Variants in ABCA4 observed in about 807,000 individuals in gnomAD.
The protein encoded by ABCA4 is ATP binding cassette subfamily A member 4.
In ABCA4, 196 loss-of-function variants were observed where a neutral mutation model predicts 263.7. The ratio of observed to expected loss-of-function variants is 0.74; its 90% CI spans 0.66 to 0.84. ABCA4 has a LOEUF of 0.84. Among genes scored for constraint, ABCA4 ranks in the 40% least tolerant of loss-of-function variants. The pLI is 0.00. For synonymous variants in ABCA4, 1,133 were observed against 1,094.2 expected (o/e 1.04, Z -0.70); for missense variants, 2,792 against 2,855.1 (o/e 0.98, Z 0.50).
intron 16 of ABCA4, 105 bp from the exon 17 acceptor site, chr1:94,051,803 T>G (rs977274922): frequency 6.0e-6 from 5 of 839,358 alleles, no homozygotes; most frequent in African/African-American, 1.7e-5. Flanking sequence ...CCTCAAATTG[T>G]AACTATAGAT....
At chr1:94,088,034 C>T (rs916455404) in intron 6 of ABCA4, among the ~76,000 whole-genome samples, 1 of 152,158 alleles carries the variant, frequency 6.6e-6, no homozygotes, top group East Asian at 1.9e-4. Context: ...CCCTTCATTC[C>T]CACATTCTTT....
chr1:94,120,904 C>CAA, intron 1 of ABCA4, 76 bp downstream of exon 1: 1 of 953,550 alleles, frequency 1.0e-6, no homozygotes, highest in East Asian at 2.5e-5. Flanking sequence ...CACCCTACCC[C>CAA]ACCACCCCAC....
Position 94,048,751 on chromosome 1 carries a change from G to A in ABCA4, c.2743+117C>T, listed in dbSNP as rs577041461. ...ATCTGGTTTAACACTTGTCCACAGA[G>A]AGAGTCAGTTTCCTAGGCTTCTTTC... On this transcript the variant is annotated intron_variant, in intron 18 of 49. Coordinates refer to ENST00000370225, the MANE Select transcript of ABCA4 (RefSeq NM_000350.3). The A allele has an allele frequency of 8.8e-5, 84 of 950,636 alleles. No homozygotes were observed. In the African/African-American group the frequency reaches 1.2e-3, roughly 14 times the overall value. The allele number at this position is 950,636 out of a possible 1,614,324, so 58.9% of individuals were successfully genotyped here. A position where few individuals can be genotyped will look rare whatever the true frequency, so the allele number is the denominator to read the frequency against.
intron 30 of ABCA4, among the ~76,000 whole-genome samples, chr1:94,028,866 C>T (rs1202641830): frequency 1.5e-5 from 2 of 132,526 alleles, no homozygotes; most frequent in African/African-American, 2.8e-5. Context: ...GAGATCACAC[C>T]GCTGCACTCC....
At position 94,032,522 on chromosome 1, in the gene ABCA4, A is replaced by G. The variant is rs541532558; in HGVS notation, c.3863-479T>C. Among the ~76,000 whole-genome samples the G allele has an allele frequency of 3.3e-5, 5 of 152,034 alleles. No individual in the cohort carries two copies. The South Asian group carries it at 8.3e-4, about 25-fold the overall frequency. ...ATGGTGGCAGGCACCTGTAATCCCA[A>G]CTACTCGGGAGGCTGAGGCAGGAGA... On this transcript the variant is annotated intron_variant, in intron 26 of 49. Coordinates refer to ENST00000370225, the MANE Select transcript of ABCA4 (RefSeq NM_000350.3).
chr1:94,014,194 AAAGAAGGAAG>A (rs1426422223), intron 38 of ABCA4, among the ~76,000 whole-genome samples: 2 of 119,618 alleles, frequency 1.7e-5, no homozygotes, highest in African/African-American at 6.3e-5. Flanking sequence ...AAGAAGGAAG[AAAGAAGGAAG>A]GATGGAGGGA....
chr1:94,014,196 A>G (rs200072777), intron 38 of ABCA4, among the ~76,000 whole-genome samples: 13,574 of 126,160 alleles, frequency 0.11, 1,250 homozygotes, highest in African/African-American at 0.26. Context: ...GAAGGAAGAA[A>G]GAAGGAAGGA....
Position 94,031,031 on chromosome 1 carries a change from G to A in ABCA4, c.4218C>T (p.His1406=), listed in dbSNP as rs1307696264. ...TGTACTGCTGCCCATATATCCAGGG[G>A]TGAAGGGTCAAAGCGGGGTATTCGC... ...PFGEYPALTL[H]PWIYGQQYTF... is the part of the protein sequence containing the mutation. Residue 1406 remains histidine, a synonymous_variant, in exon 28 of 50, where the codon CAC becomes CAT. Transcript: ENST00000370225. 1 of 1,614,020 alleles carries A rather than the reference G, an allele frequency of 6.2e-7. No homozygotes were observed. The highest frequency in any genetic ancestry group is 1.3e-5 in the African/African-American group (1 of 74,914).
intron 23 of ABCA4, among the ~76,000 whole-genome samples, chr1:94,040,879 A>G (rs1660466694): frequency 6.6e-6 from 1 of 152,190 alleles, no homozygotes; most frequent in African/African-American, 2.4e-5. Flanking sequence ...TAATGTTGAA[A>G]TGAAGCTCAA....
intron 1 of ABCA4, among the ~76,000 whole-genome samples, chr1:94,115,314 T>A (rs565899895): frequency 1.3e-5 from 2 of 152,296 alleles, no homozygotes; most frequent in East Asian, 3.9e-4. Context: ...TCGGCTGTCT[T>A]CCATGCGGCA....
rs952681895 is a variant in ABCA4 at position 94,043,224 on chromosome 1, G to A, written c.3190+112C>T. On this transcript the variant is annotated intron_variant, in intron 21 of 49. Transcript: ENST00000370225. ...TAGATTTTTGGTGTAACTTCACAGA[G>A]GTGTTCCCACCCTTAGAAGCTCTCC... 6.8e-6 allele frequency: 10 copies of A among 1,474,252 alleles called. No homozygotes were observed. The East Asian group carries it at 2.1e-4, about 31-fold the overall frequency. The allele number at this position is 1,474,252 out of a possible 1,614,324, so 91.3% of individuals were successfully genotyped here. A position where few individuals can be genotyped will look rare whatever the true frequency, so the allele number is the denominator to read the frequency against.
rs121909205 is a variant in ABCA4 at position 94,120,994 on chromosome 1, G to T, written c.52C>A (p.Arg18=). 8.7e-6 allele frequency: 14 copies of T among 1,606,580 alleles called. 1 individual carries two copies. In the East Asian group the frequency reaches 1.8e-4, roughly 21 times the overall value. ...QLLLWKNWTL[R]KRQKIRFVVE... ...GTAACTGTTACCTTTTGCCTTTTCCGCAGGGTCCAGTTCTTCCAGAGCAAA... is the reference window on the plus strand; with the variant it reads ...GTAACTGTTACCTTTTGCCTTTTCCTCAGGGTCCAGTTCTTCCAGAGCAAA... Residue 18 remains arginine, a synonymous_variant, in exon 1 of 50, where the codon CGG becomes AGG. Transcript: ENST00000370225.
chr1:93,993,358 G>A, intron 49 of ABCA4, 116 bp from the exon 50 acceptor site: 1 of 1,344,162 alleles, frequency 7.4e-7, no homozygotes, highest in Non-Finnish European at 1.1e-6. Flanking sequence ...ACTCAGCTGA[G>A]GGCACTGTGA....
intron 1 of ABCA4, among the ~76,000 whole-genome samples, chr1:94,113,942 T>C (rs1662677396): frequency 6.6e-6 from 1 of 152,088 alleles, no homozygotes; most frequent in South Asian, 2.1e-4. Flanking sequence ...GGGTTGGAGA[T>C]GTGGAATTAT....
chr1:94,075,419 G>A (rs186306804), intron 11 of ABCA4, among the ~76,000 whole-genome samples: 15 of 152,242 alleles, frequency 9.9e-5, no homozygotes, highest in Admixed American at 5.2e-4. Flanking sequence ...GTTGGTGATC[G>A]CTTAGTAGTT....
chr1:94,087,869 A>T (rs1661871745), intron 6 of ABCA4, among the ~76,000 whole-genome samples: 1 of 152,138 alleles, frequency 6.6e-6, no homozygotes, highest in South Asian at 2.1e-4. Context: ...TCCTCCCTTC[A>T]TGGGGTTTAC....
chr1:94,021,673 G>T lies in ABCA4; in HGVS notation c.4815C>A (p.Phe1605Leu), dbSNP rs1363935972. ...TGTCTTCAGTTTCTAGATGTTTAAGGAAATCAGGTATTTCTTTAGAGGCCT... is the reference window on the plus strand; with the variant it reads ...TGTCTTCAGTTTCTAGATGTTTAAGTAAATCAGGTATTTCTTTAGAGGCCT... Reference protein sequence around the residue: ...TREASKEIPDFLKHLETEDNI... With the variant: ...TREASKEIPDLLKHLETEDNI... Residue 1605 changes from phenylalanine (F) to leucine (L), a missense_variant, in exon 34 of 50, where the codon TTC becomes TTA. Transcript: ENST00000370225. The T allele has an allele frequency of 6.2e-7, 1 of 1,613,204 alleles. No homozygotes were observed. Among genetic ancestry groups the T allele is most frequent in the Admixed American group, 1.7e-5 (1 of 59,944 alleles).
chr1:94,072,928 C>G (rs1661441924), intron 11 of ABCA4, among the ~76,000 whole-genome samples: 1 of 152,106 alleles, frequency 6.6e-6, no homozygotes, highest in African/African-American at 2.4e-5. Context: ...GGGTCTGAGA[C>G]AGCAGACCAT....
Position 94,025,000 on chromosome 1 carries a change from T to C in ABCA4, c.4588A>G (p.Ile1530Val). Residue 1530 changes from isoleucine (I) to valine (V), a missense_variant, in exon 31 of 50, where the codon ATC becomes GTC. Coordinates refer to ENST00000370225, the MANE Select transcript of ABCA4 (RefSeq NM_000350.3). ...TACGTTTTTACCAAGAAGTCGGAGA[T>C]GTTCCTGTCCGTCAGGTCTTGTAGA... ...EILQDLTDRN[I>V]SDFLVKTYPA... 3.1e-6 allele frequency: 5 copies of C among 1,614,242 alleles called. No individual in the cohort carries two copies. The highest frequency in any genetic ancestry group is 4.2e-6 in the Non-Finnish European group (5 of 1,180,038).
Sources: allele counts gnomAD v4.1 joint callset (sites outside exome capture counted in the v4.1 genomes callset), GRCh38; gene constraint gnomAD v4.1.1; transcripts MANE v1.5; gene names NCBI Gene and HGNC (gene_info 2026-07-23, HGNC 2026-07-21).